The following ACSF2 variants were observed in gnomAD, a reference collection of about 807,000 sequenced individuals.
ACSF2 encodes the protein acyl-CoA synthetase family member 2.
Under a neutral mutation model 79.3 loss-of-function variants are expected in ACSF2, and 52 were observed. That is an observed-to-expected ratio of 0.66 (90% CI 0.53 to 0.83). ACSF2 has a LOEUF of 0.83. ACSF2 is among the 40% of genes least tolerant of loss of function. The pLI is 0.00. For missense variants in ACSF2, 661 were observed against 803.3 expected, an observed-to-expected ratio of 0.82 and a Z score of 2.14; for synonymous variants, 283 against 312.6, an observed-to-expected ratio of 0.91 and a Z score of 1.00.
intron 1 of ACSF2, among the ~76,000 whole-genome samples, chr17:50,451,606 C>T (rs907882404): frequency 3.4e-4 from 51 of 152,186 alleles, no homozygotes; most frequent in African/African-American, 1.2e-3. Flanking sequence ...CCCATAACCA[C>T]ACCCGGCTAA....
At position 50,460,885 on chromosome 17, in the gene ACSF2, C is replaced by A; in HGVS notation, c.324+13C>A. On this transcript the variant is annotated intron_variant, in intron 2 of 15. Transcript: ENST00000300441. ...ACTCAAGGAGGAGGTGGGTCCTGAC[C>A]TGGAAACCTCAAAGTGGGCAAGTAC... The A allele has an allele frequency of 6.2e-7, 1 of 1,601,654 alleles. No homozygotes were observed. The highest frequency in any genetic ancestry group is 8.5e-7 in the Non-Finnish European group (1 of 1,172,792).
chr17:50,429,491 C>T lies in ACSF2; in HGVS notation c.128+3102C>T, dbSNP rs144227393. On this transcript the variant is annotated intron_variant, in intron 1 of 15. Transcript: ENST00000300441. ...GCTGGACGTCCTCCTCTCCGTTTGA[C>T]GCAGGGCTGTTCAGAGTCTTTCTCT... 3.1e-3 allele frequency among the ~76,000 whole-genome samples: 467 copies of T among 151,008 alleles called. 2 individuals are homozygous for T. Among genetic ancestry groups the T allele is most frequent in the African/African-American group, 0.01 (419 of 41,222 alleles).
At chr17:50,427,907 C>G (rs1567832783) in intron 1 of ACSF2, among the ~76,000 whole-genome samples, 1 of 152,210 alleles carries the variant, frequency 6.6e-6, no homozygotes, top group Non-Finnish European at 1.5e-5. Flanking sequence ...TTTATCCAGA[C>G]AGATGATTTT....
chr17:50,456,283 T>C (rs898586024), intron 1 of ACSF2, among the ~76,000 whole-genome samples: 2 of 152,156 alleles, frequency 1.3e-5, no homozygotes, highest in Admixed American at 1.3e-4. Flanking sequence ...GTCTGCAGTG[T>C]ACTCCTCAGT....
intron 10 of ACSF2, chr17:50,468,586 G>A (rs1234227204): frequency 1.9e-6 from 3 of 1,614,082 alleles, no homozygotes; most frequent in Non-Finnish European, 2.5e-6. Flanking sequence ...ATGACACGAG[G>A]TTCGGCATGG....
intron 1 of ACSF2, among the ~76,000 whole-genome samples, chr17:50,442,325 ATTTT>A (rs34855383): frequency 5.0e-4 from 59 of 117,272 alleles, no homozygotes; most frequent in African/African-American, 1.9e-3. Context: ...AAACAAAACA[ATTTT>A]TTTTTTTTTT....
At position 50,465,711 on chromosome 17, in the gene ACSF2, G is replaced by A. The variant is rs2231508; in HGVS notation, c.1215+1417G>A. On this transcript the variant is annotated intron_variant, in intron 10 of 15. Coordinates refer to ENST00000300441, the MANE Select transcript of ACSF2 (RefSeq NM_025149.6). ...GTGACATGGAAGTGTTCTTACCGCC[G>A]AAGGCCCCGGAGCTGGCAGGTACAC... 56 of 1,613,464 alleles carry A rather than the reference G, an allele frequency of 3.5e-5. No homozygotes were observed. The highest frequency in any genetic ancestry group is 2.2e-4 in the East Asian group (10 of 44,860).
chr17:50,432,789 G>A (rs2030046015), intron 1 of ACSF2, among the ~76,000 whole-genome samples: 1 of 152,172 alleles, frequency 6.6e-6, no homozygotes, highest in South Asian at 2.1e-4. Flanking sequence ...GTGGCTTTAG[G>A]CAAGTTACTG....
chr17:50,428,592 G>A (rs1275565467), intron 1 of ACSF2, among the ~76,000 whole-genome samples: 2 of 151,942 alleles, frequency 1.3e-5, no homozygotes, highest in Non-Finnish European at 2.9e-5. Flanking sequence ...AGATCAGACT[G>A]GCCAACATGG....
At position 50,471,423 on chromosome 17, in the gene ACSF2, G is replaced by A; in HGVS notation, c.1323+288G>A. On this transcript the variant is annotated intron_variant, in intron 11 of 15. Transcript: ENST00000300441. The surrounding 1 kb of genome is among the most constrained non-coding windows in gnomAD (Gnocchi z 4.1). Reference sequence around the variant, plus strand: ...TTGCCAAGCCCACTGTCTGTTTCAGGGCAGCCAGGGTAGCCTCAAAGAGGA... The same window carrying A: ...TTGCCAAGCCCACTGTCTGTTTCAGAGCAGCCAGGGTAGCCTCAAAGAGGA... 2.3e-6 allele frequency: 1 copy of A among 435,590 alleles called. No individual in the cohort carries two copies. Among genetic ancestry groups the A allele is most frequent in the Non-Finnish European group, 4.3e-6 (1 of 233,652 alleles). 27.0% of individuals were successfully genotyped at this position (435,590 alleles called of 1,614,324 possible). A position where few individuals can be genotyped will look rare whatever the true frequency, so the allele number is the denominator to read the frequency against.
chr17:50,456,634 A>G (rs1293607583), intron 1 of ACSF2, among the ~76,000 whole-genome samples: 1 of 152,176 alleles, frequency 6.6e-6, no homozygotes, highest in Non-Finnish European at 1.5e-5. Flanking sequence ...CGGGAGGCTG[A>G]GGCAGGAGAA....
intron 1 of ACSF2, among the ~76,000 whole-genome samples, chr17:50,436,861 C>T (rs1426798205): frequency 6.6e-6 from 1 of 151,798 alleles, no homozygotes; most frequent in Non-Finnish European, 1.5e-5. Flanking sequence ...TTTGTCACAA[C>T]AGCACCTTTG....
chr17:50,468,770 C>A (rs1187375813), intron 10 of ACSF2: 3 of 1,584,794 alleles, frequency 1.9e-6, no homozygotes, highest in Non-Finnish European at 2.6e-6. Context: ...CGGCAGCAGA[C>A]CAGCCAGGAG....
At chr17:50,433,396 C>T (rs147965654) in intron 1 of ACSF2, among the ~76,000 whole-genome samples, 173 of 152,258 alleles carry the variant, frequency 1.1e-3, no homozygotes, top group African/African-American at 3.9e-3. Flanking sequence ...TCAAACAATC[C>T]TACTTCCTCA....
chr17:50,441,924 C>T (rs984335142), intron 1 of ACSF2, among the ~76,000 whole-genome samples: 55 of 152,122 alleles, frequency 3.6e-4, no homozygotes, highest in African/African-American at 1.3e-3. Flanking sequence ...ACAGCAGCCT[C>T]GCCCTTGTGG....
chr17:50,444,908 A>G (rs2031196063), intron 1 of ACSF2, among the ~76,000 whole-genome samples: 1 of 151,924 alleles, frequency 6.6e-6, no homozygotes, highest in Non-Finnish European at 1.5e-5. Flanking sequence ...AATGTTTGCA[A>G]TTAGATAATG....
rs75473538 is a variant in ACSF2 at position 50,448,890 on chromosome 17, C to T, written c.129-11787C>T. On this transcript the variant is annotated intron_variant, in intron 1 of 15. Transcript: ENST00000300441. ...CAGAACCCTCCCTGCATGTTCTTAC[C>T]TGGCTCCATTTTGTCAGGGTTTGAC... Among the ~76,000 whole-genome samples the T allele has an allele frequency of 5.8e-3, 884 of 152,198 alleles. 7 individuals are homozygous for T. The highest frequency in any genetic ancestry group is 0.02 in the African/African-American group (842 of 41,510).
intron 12 of ACSF2, 83 bp from the exon 13 acceptor site, chr17:50,473,582 T>C (rs369577548): frequency 6.3e-7 from 1 of 1,588,116 alleles, no homozygotes; most frequent in South Asian, 1.1e-5. Context: ...ACATAGTAGC[T>C]GGTCAATAAA....
rs566469213 is a variant in ACSF2 at position 50,434,695 on chromosome 17, A to C, written c.128+8306A>C. 6.2e-4 allele frequency among the ~76,000 whole-genome samples: 89 copies of C among 143,962 alleles called. 4 individuals are homozygous for C. The South Asian group carries it at 0.02, about 32-fold the overall frequency. The allele number at this position is 143,962 out of a possible 152,430, so 94.4% of individuals were successfully genotyped here. A position where few individuals can be genotyped will look rare whatever the true frequency, so the allele number is the denominator to read the frequency against. On this transcript the variant is annotated intron_variant, in intron 1 of 15. Transcript: ENST00000300441. ...AGCAAAACTCCGTCTCAAAAAAATA[A>C]TTTTTTTTTTTTTTACTGTAGTCCT...
Sources: gnomAD v4.1 joint callset for allele counts (sites outside exome capture counted in the v4.1 genomes callset) on GRCh38, gnomAD v4.1.1 for gene constraint, Gnocchi (gnomAD v3.1) non-coding constraint, MANE v1.5 for transcripts, NCBI Gene and HGNC (gene_info 2026-07-23, HGNC 2026-07-21) for gene names.